Variants in RRM1 observed in about 807,000 individuals in gnomAD.
The protein encoded by RRM1 is ribonucleotide reductase catalytic subunit M1.
RRM1 carries 19 observed loss-of-function variants against 101.5 expected under a neutral mutation model. That is an observed-to-expected ratio of 0.19 (90% CI 0.13 to 0.27). The LOEUF is 0.27. Among genes scored for constraint, RRM1 ranks in the 10% least tolerant of loss-of-function variants. The pLI is 1.00. For synonymous variants in RRM1, 298 were observed against 323.4 expected (o/e 0.92, Z 0.84); for missense variants, 500 against 962.9 (o/e 0.52, Z 6.36).
chr11:4,097,571 A>C (rs1017158682), intron 1 of RRM1, among the ~76,000 whole-genome samples: 4 of 151,996 alleles, frequency 2.6e-5, no homozygotes, highest in African/African-American at 9.6e-5. Context: ...TGTCAGTGGA[A>C]TAGCAGACTA....
chr11:4,115,610 G>A (rs185673477), intron 7 of RRM1, among the ~76,000 whole-genome samples: 4 of 151,890 alleles, frequency 2.6e-5, no homozygotes, highest in Admixed American at 2.6e-4. Flanking sequence ...AGGCTGGAGT[G>A]CAGTGGCACG....
intron 1 of RRM1, among the ~76,000 whole-genome samples, chr11:4,101,127 G>C (rs949853335): frequency 6.6e-5 from 10 of 152,098 alleles, no homozygotes; most frequent in African/African-American, 2.4e-4. Flanking sequence ...CCTATTTGGG[G>C]CATTGCAATT....
At chr11:4,113,030 T>G (rs2094567749) in intron 7 of RRM1, among the ~76,000 whole-genome samples, 1 of 152,118 alleles carries the variant, frequency 6.6e-6, no homozygotes, top group East Asian at 1.9e-4. Flanking sequence ...TCAAGAATGG[T>G]TCTTGCATTT....
In RRM1 at chr11:4,125,193, G is replaced by A. The variant is rs189602263; in HGVS notation, c.1321-1491G>A. On this transcript the variant is annotated intron_variant, in intron 12 of 18. Transcript: ENST00000300738. ...CTCCCAAAGTGTTGGGATTACAGGC[G>A]TGAGCCACCGTGACCGGCCTGTAGT... Among the ~76,000 whole-genome samples, 327 of 152,126 alleles carry A rather than the reference G, an allele frequency of 2.1e-3. 1 individual carries two copies. The highest frequency in any genetic ancestry group is 7.4e-3 in the African/African-American group (309 of 41,514).
At chr11:4,126,645 A>G in intron 12 of RRM1, 39 bp from the exon 13 acceptor site, 1 of 1,575,792 alleles carries the variant, frequency 6.3e-7, no homozygotes, top group Non-Finnish European at 8.6e-7. Context: ...AAGTAGAAAT[A>G]AAAATTGTGT....
chr11:4,105,043 A>G (rs1031044672), intron 2 of RRM1, among the ~76,000 whole-genome samples: 12 of 152,336 alleles, frequency 7.9e-5, no homozygotes, highest in African/African-American at 2.9e-4. Flanking sequence ...TAGAATCATT[A>G]GTATGTTTTC....
Position 4,121,772 on chromosome 11 carries a change from G to C in RRM1, c.1038+7G>C. ...ACGAGTGGAGACTAATCAGGTGAGA[G>C]ATAGGTACTTGTTGGTAATAGCAAC... is the stretch of plus-strand genomic sequence containing the variant. On this transcript the variant is annotated splice_region_variant and intron_variant, in intron 10 of 18. Transcript: ENST00000300738. 6.3e-7 allele frequency: 1 copy of C among 1,588,768 alleles called. No homozygotes were observed. The highest frequency in any genetic ancestry group is 1.4e-5 in the African/African-American group (1 of 73,560).
intron 2 of RRM1, among the ~76,000 whole-genome samples, chr11:4,103,685 C>T (rs2094554632): frequency 1.3e-5 from 2 of 151,816 alleles, no homozygotes; most frequent in South Asian, 4.2e-4. Flanking sequence ...TGCAGTGGCT[C>T]AATCTTGGCC....
Position 4,107,518 on chromosome 11 carries a change from G to A in RRM1, c.370G>A (p.Val124Ile). 1 of 1,612,076 alleles carries A rather than the reference G, an allele frequency of 6.2e-7. No homozygotes were observed. Residue 124 changes from valine (V) to isoleucine (I), a missense_variant, in exon 4 of 19, where the codon GTT (valine) becomes ATT (isoleucine). Coordinates refer to ENST00000300738, the MANE Select transcript of RRM1 (RefSeq NM_001033.5). ...GGTGGCCAAGTCAACATTGGATATT[G>A]TTCTGGCCAATAAAGATGTATGTAT... Reference protein sequence around the residue: ...PMVAKSTLDIVLANKDRLNSA... With the variant: ...PMVAKSTLDIILANKDRLNSA...
At chr11:4,100,795 A>T (rs906089730) in intron 1 of RRM1, among the ~76,000 whole-genome samples, 1 of 152,218 alleles carries the variant, frequency 6.6e-6, no homozygotes, top group African/African-American at 2.4e-5. Flanking sequence ...CTGATTAGGC[A>T]AGTAAAATAG....
intron 7 of RRM1, among the ~76,000 whole-genome samples, chr11:4,115,099 G>A (rs2094570981): frequency 6.6e-6 from 1 of 152,146 alleles, no homozygotes; most frequent in Non-Finnish European, 1.5e-5. Context: ...TTATAAAAAT[G>A]TCAGTTTTTC....
chr11:4,125,850 A>C (rs2094588658), intron 12 of RRM1, among the ~76,000 whole-genome samples: 1 of 152,222 alleles, frequency 6.6e-6, no homozygotes, highest in African/African-American at 2.4e-5. Context: ...ATTTAAAAAA[A>C]TGGGTATTTG....
intron 1 of RRM1, among the ~76,000 whole-genome samples, chr11:4,096,525 T>C (rs1395983675): frequency 6.6e-6 from 1 of 152,250 alleles, no homozygotes; most frequent in African/African-American, 2.4e-5. Flanking sequence ...GTTTTTGGTA[T>C]CTTGAGAACA....
At chr11:4,115,336 T>C (rs2094571322) in intron 7 of RRM1, among the ~76,000 whole-genome samples, 2 of 151,982 alleles carry the variant, frequency 1.3e-5, no homozygotes, top group Admixed American at 1.3e-4. Flanking sequence ...ATCAAAAGTA[T>C]CCTTGTAAGA....
At chr11:4,122,957 T>C (rs2094584071) in intron 11 of RRM1, among the ~76,000 whole-genome samples, 1 of 152,086 alleles carries the variant, frequency 6.6e-6, no homozygotes, top group East Asian at 1.9e-4. Flanking sequence ...ATGAAAGATA[T>C]TATTGGTTTA....
chr11:4,109,758 G>T, intron 5 of RRM1, 55 bp downstream of exon 5: 1 of 1,428,106 alleles, frequency 7.0e-7, no homozygotes, highest in Non-Finnish European at 9.7e-7. Flanking sequence ...TGAAATAAAG[G>T]ATTTTGTTTA....
chr11:4,116,842 C>A (rs965916493), intron 7 of RRM1, among the ~76,000 whole-genome samples: 1 of 151,962 alleles, frequency 6.6e-6, no homozygotes, highest in Non-Finnish European at 1.5e-5. Context: ...TGGTGCACAC[C>A]TGTAGATTTA....
At chr11:4,099,445 TAGAGGATTTTAAA>T (rs1335998209) in intron 1 of RRM1, 1 of 151,980 alleles carries the variant, frequency 6.6e-6, no homozygotes, top group Non-Finnish European at 1.5e-5. Flanking sequence ...CCCTGCTGGC[TAGAGGATTTTAAA>T]AGAGGAAAAG....
chr11:4,128,487 C>T (rs2094593668), intron 14 of RRM1, among the ~76,000 whole-genome samples: 1 of 152,152 alleles, frequency 6.6e-6, no homozygotes, highest in Admixed American at 6.5e-5. Flanking sequence ...TTCACCTTTG[C>T]CATAATCGCT....
Sources: allele counts gnomAD v4.1 joint callset (sites outside exome capture counted in the v4.1 genomes callset), GRCh38; gene constraint gnomAD v4.1.1; transcripts MANE v1.5; gene names NCBI Gene and HGNC (gene_info 2026-07-23, HGNC 2026-07-21).